SCN2B: variants seen among roughly 807,000 people sequenced by gnomAD.
The protein encoded by SCN2B is sodium channel regulatory subunit beta-2.
Under a neutral mutation model 18.2 loss-of-function variants are expected in SCN2B, and 14 were observed. The observed-to-expected ratio is 0.77, with a 90% CI of 0.51 to 1.21. SCN2B has a LOEUF of 1.21. Ranked by LOEUF, SCN2B falls within the 50% of genes most tolerant of loss-of-function variation. The pLI is 0.00. For synonymous variants in SCN2B, 115 were observed against 115.3 expected (o/e 1.00, Z 0.02); for missense variants, 262 against 286.9 (o/e 0.91, Z 0.63).
rs894521356 is a variant in SCN2B, at chr11:118,164,495, C to G, written c.*2392G>C. The G allele has an allele frequency of 1.3e-5, 2 of 152,920 alleles. No individual in the cohort carries two copies. Among genetic ancestry groups the G allele is most frequent in the African/African-American group, 4.8e-5 (2 of 41,458 alleles). The allele number at this position is 152,920 out of a possible 1,614,324, so 9.5% of individuals were successfully genotyped here. On this transcript the variant is annotated 3_prime_UTR_variant, in exon 4 of 4. Transcript: ENST00000278947. Reference sequence around the variant, plus strand: ...TTAGCATTTCCAGATGGGCTTGACTCGCTCACCTCACCCAGGTGTTACCAG... The same window carrying G: ...TTAGCATTTCCAGATGGGCTTGACTGGCTCACCTCACCCAGGTGTTACCAG...
intron 1 of SCN2B, among the ~76,000 whole-genome samples, chr11:118,170,683 C>T (rs1435853708): frequency 6.6e-6 from 1 of 152,194 alleles, no homozygotes; most frequent in African/African-American, 2.4e-5. Flanking sequence ...ATCCCAGCTC[C>T]AGCATCAGAA....
chr11:118,166,390 C>T lies in SCN2B; in HGVS notation c.*497G>A, dbSNP rs1384718772. ...CCTCCAAGTTTCAGGAACTCATCGT[C>T]ACCTCCAGCCTGATGGCTGCTCTGG... On this transcript the variant is annotated 3_prime_UTR_variant, in exon 4 of 4. Transcript: ENST00000278947. 2.2e-5 allele frequency: 4 copies of T among 182,100 alleles called. No individual in the cohort carries two copies. Among genetic ancestry groups the T allele is most frequent in the Admixed American group, 5.4e-5 (1 of 18,414 alleles). The allele number at this position is 182,100 out of a possible 1,614,324, so 11.3% of individuals were successfully genotyped here. A position where few individuals can be genotyped will look rare whatever the true frequency, so the allele number is the denominator to read the frequency against.
chr11:118,170,705 G>C (rs1565463890), intron 1 of SCN2B, among the ~76,000 whole-genome samples: 1 of 152,152 alleles, frequency 6.6e-6, no homozygotes, highest in Non-Finnish European at 1.5e-5. Flanking sequence ...CTGGAAGAGT[G>C]GGGGCTACTC....
rs1948386506 is a variant in SCN2B, at chr11:118,166,847, G to A, written c.*40C>T. ...GGGTCACTGTACAGGGCGGAGAGGG[G>A]AGGAGACGGGACACGGGAGGCTGCA... On this transcript the variant is annotated 3_prime_UTR_variant, in exon 4 of 4. Coordinates refer to ENST00000278947, the MANE Select transcript of SCN2B (RefSeq NM_004588.5). The A allele has an allele frequency of 6.2e-7, 1 of 1,610,750 alleles. No individual in the cohort carries two copies. Among genetic ancestry groups the A allele is most frequent in the Non-Finnish European group, 8.5e-7 (1 of 1,178,702 alleles).
rs571317155 is a variant in SCN2B, at chr11:118,176,526, A to T, written c.-95T>A. On this transcript the variant is annotated 5_prime_UTR_variant, in exon 1 of 4. Transcript: ENST00000278947. ...GGAGGAATGGTTGGATGCTAAAAAA[A>T]AATGCACGGATGTACTTCAAAGACA... The T allele has an allele frequency of 2.9e-5, 26 of 885,910 alleles. No homozygotes were observed. The East Asian group carries it at 6.0e-4, about 21-fold the overall frequency. 54.9% of individuals were successfully genotyped at this position (885,910 alleles called of 1,614,324 possible).
At chr11:118,174,577 G>C (rs1349471382) in intron 1 of SCN2B, among the ~76,000 whole-genome samples, 1 of 152,102 alleles carries the variant, frequency 6.6e-6, no homozygotes, top group African/African-American at 2.4e-5. Flanking sequence ...CCAGGGACAT[G>C]CCTCATTACA....
chr11:118,167,076 C>A lies in SCN2B; in HGVS notation c.459G>T (p.Glu153Asp), dbSNP rs1415199439. Residue 153 changes from glutamate (E) to aspartate (D), a missense_variant, in exon 4 of 4, where the codon GAG (glutamate) becomes GAT (aspartate). Glu to Asp is a conservative substitution (Grantham distance 45). Transcript: ENST00000278947. The part of the protein sequence containing the change: ...HLQVLMEEPP[E>D]RDSTVAVIVG... ...CAATCACGGCCACCGTGGAGTCCCG[C>A]TCAGGGGGCTCTGGAAAGGAAGCAG... 3.1e-6 allele frequency: 5 copies of A among 1,611,906 alleles called. No individual in the cohort carries two copies. The Admixed American group carries it at 8.3e-5, about 27-fold the overall frequency.
chr11:118,167,597 C>G (rs761891391), intron 3 of SCN2B, among the ~76,000 whole-genome samples: 1 of 152,148 alleles, frequency 6.6e-6, no homozygotes, highest in Non-Finnish European at 1.5e-5. Context: ...TGCTCTGTTG[C>G]CCAAGCTGGA....
Position 118,166,653 on chromosome 11 carries a change from C to A in SCN2B, c.*234G>T, listed in dbSNP as rs1281883888. On this transcript the variant is annotated 3_prime_UTR_variant, in exon 4 of 4. Transcript: ENST00000278947. ...AGGGACTGGCAGGTGGGAGCCCTTT[C>A]TCTCCTCTCCCCAGGGCCCACACGT... is the stretch of plus-strand genomic sequence containing the variant. The A allele has an allele frequency of 3.5e-6, 2 of 577,034 alleles. No individual in the cohort carries two copies. Among genetic ancestry groups the A allele is most frequent in the Non-Finnish European group, 6.2e-6 (2 of 322,594 alleles). The allele number at this position is 577,034 out of a possible 1,614,324, so 35.7% of individuals were successfully genotyped here.
intron 3 of SCN2B, 62 bp from the exon 4 acceptor site, chr11:118,167,148 A>C: frequency 6.5e-7 from 1 of 1,539,468 alleles, no homozygotes; most frequent in South Asian, 1.1e-5. Context: ...CCATCACCCC[A>C]CTACCCGTGG....
rs758440956 is a variant in SCN2B, at chr11:118,167,024, C to G, written c.511G>C (p.Ala171Pro). The change falls in exon 4 of 4, where the codon GCT (alanine) becomes CCT (proline). Residue 171 changes from alanine to proline, a missense_variant. By Grantham distance (27) the Ala-to-Pro change is conservative. Coordinates refer to ENST00000278947, the MANE Select transcript of SCN2B (RefSeq NM_004588.5). ...ACCATCAGCACCAAGATGACCACAG[C>G]CAGGAAGCCCCCGACGGAGGCACCC... The part of the protein sequence containing the change: ...IVGASVGGFL[A>P]VVILVLMVVK... 1.8e-5 allele frequency: 29 copies of G among 1,613,902 alleles called. No homozygotes were observed. The South Asian group carries it at 3.1e-4, about 17-fold the overall frequency.
At chr11:118,171,903 C>T (rs1281603389) in intron 1 of SCN2B, among the ~76,000 whole-genome samples, 7 of 152,224 alleles carry the variant, frequency 4.6e-5, no homozygotes, top group Non-Finnish European at 1.5e-5. Flanking sequence ...AGATCTAGCC[C>T]CATTGTTTTA....
rs654000 is a variant in SCN2B, at chr11:118,165,899, C to A, written c.*988G>T. On this transcript the variant is annotated 3_prime_UTR_variant, in exon 4 of 4. Coordinates refer to ENST00000278947, the MANE Select transcript of SCN2B (RefSeq NM_004588.5). The stretch of plus-strand genomic sequence containing the variant: ...TATGCCGGCCTCAGGCTTTCCCTTC[C>A]CTCTCTGTAGCCAAAAGCCAGGTGG... 12,322 of 152,384 alleles carry A rather than the reference C, an allele frequency of 0.081. 1,688 individuals carry two copies. The highest frequency in any genetic ancestry group is 0.28 in the African/African-American group (11,674 of 41,522). The allele number at this position is 152,384 out of a possible 1,614,324, so 9.4% of individuals were successfully genotyped here.
rs1362726710 is a variant in SCN2B at position 118,167,021 on chromosome 11, C to T, written c.514G>A (p.Val172Met). The T allele has an allele frequency of 6.2e-7, 1 of 1,613,950 alleles. No individual in the cohort carries two copies. Among genetic ancestry groups the T allele is most frequent in the Admixed American group, 1.7e-5 (1 of 60,022 alleles). Residue 172 changes from valine to methionine, a missense_variant, in exon 4 of 4, where the codon GTG becomes ATG. By Grantham distance (21) the Val-to-Met change is conservative. Coordinates refer to ENST00000278947, the MANE Select transcript of SCN2B (RefSeq NM_004588.5). Reference protein sequence around the residue: ...VGASVGGFLAVVILVLMVVKC... With the variant: ...VGASVGGFLAMVILVLMVVKC... ...ACCACCATCAGCACCAAGATGACCA[C>T]AGCCAGGAAGCCCCCGACGGAGGCA...
At chr11:118,171,496 C>G (rs1042454243) in intron 1 of SCN2B, among the ~76,000 whole-genome samples, 1 of 152,236 alleles carries the variant, frequency 6.6e-6, no homozygotes, top group East Asian at 1.9e-4. Flanking sequence ...TAGCTCTTCC[C>G]TTGGAAGGTC....
chr11:118,170,158 A>G (rs547390193), intron 1 of SCN2B, among the ~76,000 whole-genome samples: 1 of 152,358 alleles, frequency 6.6e-6, no homozygotes, highest in Admixed American at 6.5e-5. Flanking sequence ...AGGCAGAGTC[A>G]CTGCATCATG....
At chr11:118,173,515 C>G (rs1024915741) in intron 1 of SCN2B, among the ~76,000 whole-genome samples, 1 of 152,150 alleles carries the variant, frequency 6.6e-6, no homozygotes, top group Admixed American at 6.5e-5. Context: ...CCTCAGTTTC[C>G]TCATCTGTAA....
chr11:118,171,114 T>C (rs1202778614), intron 1 of SCN2B, among the ~76,000 whole-genome samples: 1 of 152,174 alleles, frequency 6.6e-6, no homozygotes, highest in Non-Finnish European at 1.5e-5. Flanking sequence ...TTCTCTGAAC[T>C]GGCAGCAGCC....
At chr11:118,174,385 G>T (rs1022450494) in intron 1 of SCN2B, among the ~76,000 whole-genome samples, 4 of 152,052 alleles carry the variant, frequency 2.6e-5, no homozygotes, top group Non-Finnish European at 2.9e-5. Context: ...ATATGCTTCT[G>T]CCGTGGGTAG....
Sources: gnomAD v4.1 joint callset for allele counts (sites outside exome capture counted in the v4.1 genomes callset) on GRCh38, gnomAD v4.1.1 for gene constraint, MANE v1.5 for transcripts, NCBI Gene and HGNC (gene_info 2026-07-23, HGNC 2026-07-21) for gene names.